Variants in SPACA6 observed in about 807,000 individuals in gnomAD.
SPACA6 encodes sperm acrosome associated 6, also known as sperm acrosome membrane-associated protein 6.
For synonymous variants in SPACA6, 6 were observed against 1.5 expected, an observed-to-expected ratio of 4.05 and a Z score of -2.21; for missense variants, 8 against 2.8, an observed-to-expected ratio of 2.88 and a Z score of -1.34.
At chr19:51,712,856 C>T (rs79956121), downstream of SPACA6, among the ~76,000 whole-genome samples, 6,994 of 152,196 alleles carry the variant, frequency 0.046, 204 homozygotes, top group Non-Finnish European at 0.066. Flanking sequence ...ACAAAAGCAC[C>T]ATCTGCAGTA....
chr19:51,693,635 C>T lies in SPACA6; in HGVS notation c.109C>T (p.Arg37Cys), dbSNP rs554911608. The T allele has an allele frequency of 1.7e-5, 7 of 417,402 alleles. No individual in the cohort carries two copies. The highest frequency in any genetic ancestry group is 1.4e-4 in the East Asian group (4 of 29,234). The allele number at this position is 417,402 out of a possible 1,614,324, so 25.9% of individuals were successfully genotyped here. Residue 37 changes from arginine to cysteine, a missense_variant, in exon 1 of 9, where the codon CGC (arginine) becomes TGC (cysteine). Arg to Cys is a radical substitution (Grantham distance 180). Transcript: ENST00000637797. ...CCTCTGCTTCACAACCTACTCTGAG[C>T]GCCTCCGCATCTGCCAGATGTTTGT... ...CLLCFTTYSE[R>C]LRICQMFVGM...
chr19:51,692,425 G>A (rs975624261), upstream of SPACA6, among the ~76,000 whole-genome samples: 2 of 152,060 alleles, frequency 1.3e-5, no homozygotes, highest in African/African-American at 2.4e-5. This position sits in a 1 kb window ranked among gnomAD's most constrained non-coding sequence, Gnocchi z 5.6. Flanking sequence ...AGGAACATTT[G>A]GGGAGAAAAG....
chr19:51,691,382 T>G (rs2083371107), upstream of SPACA6, among the ~76,000 whole-genome samples: 1 of 131,610 alleles, frequency 7.6e-6, no homozygotes, highest in African/African-American at 3.0e-5. Context: ...AGGAAAGACA[T>G]CCGAAAAAAG....
chr19:51,702,566 G>C (rs183476758), intron 3 of SPACA6, 63 bp from the exon 4 acceptor site: 1 of 379,362 alleles, frequency 2.6e-6, no homozygotes, highest in Non-Finnish European at 4.5e-6. Flanking sequence ...ATTAGCTAGG[G>C]GAGCATCGGG....
At position 51,703,923 on chromosome 19, in the gene SPACA6, G is replaced by T; in HGVS notation, c.574-107G>T. Reference sequence around the variant, plus strand: ...GAGAAGGCTCGGGGGCGGGCTCAAGGCTCAGGGCCAGGACTCCAGGGGGCG... The same window carrying T: ...GAGAAGGCTCGGGGGCGGGCTCAAGTCTCAGGGCCAGGACTCCAGGGGGCG... On this transcript the variant is annotated intron_variant, in intron 6 of 8. Transcript: ENST00000637797. The surrounding 1 kb of genome is among the most constrained non-coding windows in gnomAD (Gnocchi z 4.2). 2 of 397,952 alleles carry T rather than the reference G, an allele frequency of 5.0e-6. No individual in the cohort carries two copies. The highest frequency in any genetic ancestry group is 8.8e-6 in the Non-Finnish European group (2 of 226,004). The allele number at this position is 397,952 out of a possible 1,614,324, so 24.7% of individuals were successfully genotyped here.
chr19:51,690,510 G>A (rs1331161132), upstream of SPACA6, among the ~76,000 whole-genome samples: 2 of 152,106 alleles, frequency 1.3e-5, no homozygotes, highest in South Asian at 2.1e-4. Context: ...CAGCCCTCCA[G>A]GGGTTAAGGG....
chr19:51,683,107 A>G, the SPACA6 span, among the ~76,000 whole-genome samples: 1 of 152,148 alleles, frequency 6.6e-6, no homozygotes. Flanking sequence ...GTTAGAAATG[A>G]AGGTATCAGC....
upstream of SPACA6, chr19:51,686,061 C>A (rs1458592920): frequency 6.6e-6 from 1 of 152,104 alleles, no homozygotes; most frequent in African/African-American, 2.4e-5. Flanking sequence ...GTAGGAATTG[C>A]AGTAGATGAG....
At chr19:51,700,945 GGCACGGTGGCTCATGCCTGTAACCCCA>G (rs1365957867) in intron 2 of SPACA6, among the ~76,000 whole-genome samples, 5 of 152,198 alleles carry the variant, frequency 3.3e-5, no homozygotes, top group Admixed American at 2.6e-4. Flanking sequence ...AATGAGGCCA[GGCACGGTGGCTCATGCCTGTAACCCCA>G]GCACTTTGGG....
At chr19:51,699,347 A>C (rs2083452610) in intron 2 of SPACA6, among the ~76,000 whole-genome samples, 1 of 152,146 alleles carries the variant, frequency 6.6e-6, no homozygotes, top group South Asian at 2.1e-4. Flanking sequence ...ATCCATTTGC[A>C]TCCTATGGCT....
downstream of SPACA6, among the ~76,000 whole-genome samples, chr19:51,708,546 G>T (rs769596293): frequency 6.6e-6 from 1 of 152,168 alleles, no homozygotes; most frequent in African/African-American, 2.4e-5. Flanking sequence ...GTTCCAGGTG[G>T]CCAGGCGAGG....
At chr19:51,696,635 G>A (rs900409852) in intron 2 of SPACA6, among the ~76,000 whole-genome samples, 3 of 151,996 alleles carry the variant, frequency 2.0e-5, no homozygotes, top group Non-Finnish European at 4.4e-5. Context: ...AGTTTGTAAT[G>A]ATGGTGTCTT....
intron 2 of SPACA6, among the ~76,000 whole-genome samples, chr19:51,698,947 A>G (rs2083448890): frequency 1.3e-5 from 2 of 152,174 alleles, no homozygotes; most frequent in Admixed American, 6.5e-5. Flanking sequence ...AGCTCCAACC[A>G]TCAAAACAAA....
chr19:51,683,904 C>T, the SPACA6 span, among the ~76,000 whole-genome samples: 1 of 152,086 alleles, frequency 6.6e-6, no homozygotes, highest in African/African-American at 2.4e-5. Flanking sequence ...CTCTTAATCA[C>T]CTTGGCATAT....
rs902851481 is a variant in SPACA6, at chr19:51,704,812, C to T, written c.942-278C>T. On this transcript the variant is annotated intron_variant, in intron 8 of 8. Coordinates refer to ENST00000637797, the MANE Select transcript of SPACA6 (RefSeq NM_001316972.2). ...GACCCAGGAGTCCAAGTCCCCAGTC[C>T]CCTCCTCCCGCAGATCCAAGAGTCC... 5.0e-5 allele frequency: 19 copies of T among 379,290 alleles called. No individual in the cohort carries two copies. In the East Asian group the frequency reaches 5.9e-4, roughly 12 times the overall value. 23.5% of individuals were successfully genotyped at this position (379,290 alleles called of 1,614,324 possible). A position where few individuals can be genotyped will look rare whatever the true frequency, so the allele number is the denominator to read the frequency against.
downstream of SPACA6, among the ~76,000 whole-genome samples, chr19:51,707,356 G>C (rs541732541): frequency 6.6e-6 from 1 of 152,070 alleles, no homozygotes; most frequent in African/African-American, 2.4e-5. Context: ...GAGTAGCTGG[G>C]ACTACAAAGG....
downstream of SPACA6, chr19:51,712,475 C>T (rs774750173): frequency 2.6e-5 from 4 of 152,242 alleles, no homozygotes; most frequent in Non-Finnish European, 5.9e-5. Flanking sequence ...GGGAGAGTAA[C>T]AATATGTTCA....
At chr19:51,689,882 C>T (rs2083354645), upstream of SPACA6, among the ~76,000 whole-genome samples, 1 of 151,494 alleles carries the variant, frequency 6.6e-6, no homozygotes, top group African/African-American at 2.4e-5. Flanking sequence ...TGCCCGAGCC[C>T]TCGGGGGAGG....
chr19:51,694,656 T>C (rs2083411628), intron 2 of SPACA6, 101 bp downstream of exon 2: 1 of 398,650 alleles, frequency 2.5e-6, no homozygotes, highest in South Asian at 1.3e-4. Flanking sequence ...CCCCCAGAGT[T>C]GGGCAGTGAT....
Sources: allele counts gnomAD v4.1 joint callset (sites outside exome capture counted in the v4.1 genomes callset), GRCh38; gene constraint gnomAD v4.1.1; non-coding constraint Gnocchi (gnomAD v3.1); transcripts MANE v1.5; gene names NCBI Gene and HGNC (gene_info 2026-07-23, HGNC 2026-07-21).